The following TNFAIP6 variants were observed in gnomAD, a reference collection of about 807,000 sequenced individuals.
TNFAIP6 encodes the protein tumor necrosis factor-inducible gene 6 protein.
A neutral mutation model predicts 33.7 loss-of-function variants in TNFAIP6; 36 were observed. The ratio of observed to expected loss-of-function variants is 1.07; its 90% CI spans 0.82 to 1.41. TNFAIP6 has a LOEUF of 1.41. Among genes scored for constraint, TNFAIP6 ranks in the 40% most tolerant of loss-of-function variants. TNFAIP6 has a pLI of 0.00. For synonymous variants in TNFAIP6, 113 were observed against 112.8 expected, an observed-to-expected ratio of 1.00 and a Z score of -0.01; for missense variants, 273 against 331.9, an observed-to-expected ratio of 0.82 and a Z score of 1.38.
rs71403162 is a variant in TNFAIP6 at position 151,376,865 on chromosome 2, C to CTTTTTT, written c.665-2484_665-2479dup. ...GCCAATTTACATTTCTTTTTCTTTT[C>CTTTTTT]TTTTTTTTTTTTTTTTTTTTGTTTT... On this transcript the variant is annotated intron_variant, in intron 5 of 5. Transcript: ENST00000243347. Among the ~76,000 whole-genome samples, 713 of 114,222 alleles carry CTTTTTT rather than the reference C, an allele frequency of 6.2e-3. 1 individual carries two copies. Among genetic ancestry groups the CTTTTTT allele is most frequent in the African/African-American group, 8.5e-3 (250 of 29,538 alleles). The allele number at this position is 114,222 out of a possible 152,430, so 74.9% of individuals were successfully genotyped here. A position where few individuals can be genotyped will look rare whatever the true frequency, so the allele number is the denominator to read the frequency against.
At chr2:151,366,009 C>T in intron 2 of TNFAIP6, 47 bp from the exon 3 acceptor site, 14 of 1,592,684 alleles carry the variant, frequency 8.8e-6, no homozygotes, top group Non-Finnish European at 1.1e-5. Flanking sequence ...TTTTGCTTAG[C>T]CAAGACAGTT....
intron 5 of TNFAIP6, among the ~76,000 whole-genome samples, chr2:151,378,573 C>G (rs1684957918): frequency 6.6e-6 from 1 of 151,746 alleles, no homozygotes; most frequent in African/African-American, 2.4e-5. Context: ...ACTGCAACCT[C>G]CGCCTCCCGG....
chr2:151,377,465 G>T (rs1354988646), intron 5 of TNFAIP6, among the ~76,000 whole-genome samples: 1 of 127,750 alleles, frequency 7.8e-6, no homozygotes, highest in Non-Finnish European at 1.7e-5. Context: ...CACCGTGCCC[G>T]GCCATTTTTG....
rs541488976 is a variant in TNFAIP6, at chr2:151,360,469, C to G, written c.94+2709C>G. ...AGTCCATTTCTACTGCCGCCACTCACTAAAAGGAGAAAACATTTATTAAAC... is the reference window on the plus strand; with the variant it reads ...AGTCCATTTCTACTGCCGCCACTCAGTAAAAGGAGAAAACATTTATTAAAC... On this transcript the variant is annotated intron_variant, in intron 1 of 5. Coordinates refer to ENST00000243347, the MANE Select transcript of TNFAIP6 (RefSeq NM_007115.4). 3.9e-5 allele frequency among the ~76,000 whole-genome samples: 6 copies of G among 152,212 alleles called. No individual in the cohort carries two copies. The South Asian group carries it at 1.2e-3, about 32-fold the overall frequency.
intron 3 of TNFAIP6, among the ~76,000 whole-genome samples, chr2:151,369,543 G>A (rs2152015919): frequency 6.6e-6 from 1 of 152,168 alleles, no homozygotes; most frequent in South Asian, 2.1e-4. Flanking sequence ...AGAGGCAGAG[G>A]CAGGAGGCTC....
rs190835046 is a variant in TNFAIP6, at chr2:151,377,126, A to G, written c.665-2238A>G. On this transcript the variant is annotated intron_variant, in intron 5 of 5. Transcript: ENST00000243347. ...AGTGCTGGGATTTCAGGCATAAACCACCTTGCCTGGCTGACTCCCAATTTA... is the reference window on the plus strand; with the variant it reads ...AGTGCTGGGATTTCAGGCATAAACCGCCTTGCCTGGCTGACTCCCAATTTA... Among the ~76,000 whole-genome samples the G allele has an allele frequency of 6.0e-3, 899 of 150,824 alleles. 7 individuals carry two copies. Among genetic ancestry groups the G allele is most frequent in the Middle Eastern group, 0.014 (4 of 294 alleles).
chr2:151,363,903 AG>A, intron 1 of TNFAIP6, 39 bp from the exon 2 acceptor site: 1 of 1,602,412 alleles, frequency 6.2e-7, no homozygotes, highest in Middle Eastern at 1.7e-4. Context: ...TTCCGTAAGA[AG>A]GAACAACAGT....
At chr2:151,374,565 T>C (rs1379203423) in intron 5 of TNFAIP6, among the ~76,000 whole-genome samples, 1 of 152,140 alleles carries the variant, frequency 6.6e-6, no homozygotes, top group African/African-American at 2.4e-5. Context: ...ACCCCAGCCT[T>C]TCAGTGACTC....
downstream of TNFAIP6, among the ~76,000 whole-genome samples, chr2:151,381,253 T>C (rs987503922): frequency 3.9e-5 from 6 of 152,118 alleles, no homozygotes; most frequent in Admixed American, 6.5e-5. Flanking sequence ...AGAGGATCTC[T>C]TGAGCTCAGG....
In TNFAIP6 at chr2:151,379,803, C is replaced by T. The variant is rs942624013; in HGVS notation, c.*270C>T. ...ATTTGTGGTATATGTATATATGTAC[C>T]TATATGTATTTGCATTTGAAATTTT... On this transcript the variant is annotated 3_prime_UTR_variant, in exon 6 of 6. Transcript: ENST00000243347. The T allele has an allele frequency of 3.5e-5, 7 of 198,908 alleles. No individual in the cohort carries two copies. The highest frequency in any genetic ancestry group is 1.6e-4 in the African/African-American group (7 of 43,246). The allele number at this position is 198,908 out of a possible 1,614,324, so 12.3% of individuals were successfully genotyped here. A position where few individuals can be genotyped will look rare whatever the true frequency, so the allele number is the denominator to read the frequency against.
chr2:151,379,112 A>G (rs1202817178), intron 5 of TNFAIP6, among the ~76,000 whole-genome samples: 2 of 152,116 alleles, frequency 1.3e-5, no homozygotes, highest in African/African-American at 4.8e-5. Context: ...TCAAAAATAA[A>G]TAAATAAATA....
chr2:151,357,693 C>T lies in TNFAIP6; in HGVS notation c.27C>T (p.Leu9=), dbSNP rs772954393. 1.2e-6 allele frequency: 2 copies of T among 1,612,146 alleles called. No homozygotes were observed. The highest frequency in any genetic ancestry group is 2.2e-5 in the South Asian group (2 of 91,026). MIILIYLF[L]LLWEDTQGWG... is the part of the protein sequence containing the mutation. ...TGATCATCTTAATTTACTTATTTCTCTTGCTATGGGAAGACACTCAAGGAT... is the reference window on the plus strand; with the variant it reads ...TGATCATCTTAATTTACTTATTTCTTTTGCTATGGGAAGACACTCAAGGAT... Residue 9 remains leucine (L), a synonymous_variant, in exon 1 of 6, where the codon CTC becomes CTT. Coordinates refer to ENST00000243347, the MANE Select transcript of TNFAIP6 (RefSeq NM_007115.4).
chr2:151,366,589 TAAAA>T (rs1684713914), intron 3 of TNFAIP6, among the ~76,000 whole-genome samples: 2 of 151,916 alleles, frequency 1.3e-5, no homozygotes, highest in Non-Finnish European at 2.9e-5. Flanking sequence ...AAAAAGAAAA[TAAAA>T]AAGCAGATTA....
At position 151,375,246 on chromosome 2, in the gene TNFAIP6, CTG is replaced by C. The variant is rs1558901655; in HGVS notation, c.664+1658_664+1659del. ...GTTTTATTGGCACAACTTCAAGAAACTGGGAAAAAAAAAACCCACACAATTTA... is the reference window on the plus strand; with the variant it reads ...GTTTTATTGGCACAACTTCAAGAAACGGAAAAAAAAAACCCACACAATTTA... On this transcript the variant is annotated intron_variant, in intron 5 of 5. Coordinates refer to ENST00000243347, the MANE Select transcript of TNFAIP6 (RefSeq NM_007115.4). Among the ~76,000 whole-genome samples the C allele has an allele frequency of 2.2e-5, 3 of 135,332 alleles. No homozygotes were observed. The South Asian group carries it at 6.7e-4, about 30-fold the overall frequency. The allele number at this position is 135,332 out of a possible 152,430, so 88.8% of individuals were successfully genotyped here.
At chr2:151,357,797 G>A in intron 1 of TNFAIP6, 37 bp downstream of exon 1, 3 of 1,293,370 alleles carry the variant, frequency 2.3e-6, no homozygotes, top group Non-Finnish European at 3.4e-6. Context: ...TGTTGAGAAT[G>A]TCAATTCTTT....
In TNFAIP6 at chr2:151,380,014, T is replaced by C. The variant is rs1386855867; in HGVS notation, c.*481T>C. 1 of 152,212 alleles carries C rather than the reference T, an allele frequency of 6.6e-6. No homozygotes were observed. The highest frequency in any genetic ancestry group is 1.5e-5 in the Non-Finnish European group (1 of 68,038). The allele number at this position is 152,212 out of a possible 1,614,324, so 9.4% of individuals were successfully genotyped here. On this transcript the variant is annotated 3_prime_UTR_variant, in exon 6 of 6. Transcript: ENST00000243347. ...TTGTTGGAATTTCAGGTCATTTTCA[T>C]AAATATTGTTGCAATAAATATCCTT...
intron 1 of TNFAIP6, among the ~76,000 whole-genome samples, chr2:151,363,691 C>A (rs1033709329): frequency 5.9e-5 from 9 of 151,988 alleles, no homozygotes; most frequent in East Asian, 1.9e-4. Flanking sequence ...AACCAACCAA[C>A]CAAACAAACA....
intron 2 of TNFAIP6, among the ~76,000 whole-genome samples, 157 bp from the exon 3 acceptor site, chr2:151,365,899 C>T (rs1191253050): frequency 6.6e-6 from 1 of 152,086 alleles, no homozygotes; most frequent in African/African-American, 2.4e-5. Flanking sequence ...TGTATTCACA[C>T]TTTGTCTAAT....
chr2:151,373,314 A>G (rs1684847729), intron 4 of TNFAIP6, among the ~76,000 whole-genome samples: 1 of 151,788 alleles, frequency 6.6e-6, no homozygotes, highest in African/African-American at 2.4e-5. Flanking sequence ...GACTCCATCT[A>G]AATAAAATAA....
Sources: gnomAD v4.1 joint callset for allele counts (sites outside exome capture counted in the v4.1 genomes callset) on GRCh38, gnomAD v4.1.1 for gene constraint, MANE v1.5 for transcripts, NCBI Gene and HGNC (gene_info 2026-07-23, HGNC 2026-07-21) for gene names.